Variants in EVL observed in about 807,000 individuals in gnomAD.
The protein encoded by EVL is Enah/Vasp-like.
Under a neutral mutation model 59.6 loss-of-function variants are expected in EVL, and 21 were observed. That is an observed-to-expected ratio of 0.35 (90% CI 0.25 to 0.51). EVL has a LOEUF of 0.51. Ranked by LOEUF, EVL falls within the 20% of genes least tolerant of loss-of-function variation. The pLI is 0.97. For synonymous variants in EVL, 198 were observed against 203.5 expected (o/e 0.97, Z 0.23); for missense variants, 462 against 546.6 (o/e 0.85, Z 1.54).
chr14:100,099,469 G>A (rs180939666), intron 3 of EVL, among the ~76,000 whole-genome samples: 3 of 152,146 alleles, frequency 2.0e-5, no homozygotes, highest in Admixed American at 6.5e-5. Flanking sequence ...CCCATGGGTC[G>A]TGCGTAGAGC....
chr14:100,109,608 G>A lies in EVL; in HGVS notation c.358+11950G>A, dbSNP rs1170585240. The A allele has an allele frequency of 5.9e-6, 3 of 505,668 alleles. No individual in the cohort carries two copies. The highest frequency in any genetic ancestry group is 1.2e-5 in the Non-Finnish European group (3 of 243,418). 31.3% of individuals were successfully genotyped at this position (505,668 alleles called of 1,614,324 possible). A position where few individuals can be genotyped will look rare whatever the true frequency, so the allele number is the denominator to read the frequency against. ...TCCTGCCATTGCATCCTTCTCTGCA[G>A]ACTAAGATGGAGTTCCTGAACCAAG... is the stretch of plus-strand genomic sequence containing the variant. On this transcript the variant is annotated intron_variant, in intron 3 of 13. Coordinates refer to ENST00000392920, the MANE Select transcript of EVL (RefSeq NM_016337.3). The surrounding 1 kb of genome is among the most constrained non-coding windows in gnomAD (Gnocchi z 4.3).
intron 1 of EVL, among the ~76,000 whole-genome samples, chr14:100,041,379 A>T (rs1239359288): frequency 6.6e-6 from 1 of 152,210 alleles, no homozygotes; most frequent in African/African-American, 2.4e-5. Flanking sequence ...AGATAATTAA[A>T]TGATACAATG....
chr14:100,129,464 G>C (rs1222350022), intron 6 of EVL, 99 bp from the exon 7 acceptor site: 12 of 1,549,950 alleles, frequency 7.7e-6, no homozygotes, highest in African/African-American at 2.7e-5. Context: ...GCTGCCATAG[G>C]ATTCACACGC....
At chr14:100,064,685 C>T (rs1190952), upstream of EVL, among the ~76,000 whole-genome samples, 97,096 of 152,154 alleles carry the variant, frequency 0.64, 33,285 homozygotes, top group Non-Finnish European at 0.75. Flanking sequence ...CCAAGGCAGG[C>T]GGATCACCTG....
intron 1 of EVL, among the ~76,000 whole-genome samples, chr14:100,031,218 T>G (rs2061309849): frequency 6.6e-6 from 1 of 152,202 alleles, no homozygotes; most frequent in Non-Finnish European, 1.5e-5. Flanking sequence ...TCAAACCTCT[T>G]AAGTCCAAAT....
chr14:100,070,637 A>C (rs191089981), intron 1 of EVL, among the ~76,000 whole-genome samples: 49 of 152,294 alleles, frequency 3.2e-4, no homozygotes, highest in African/African-American at 1.1e-3. Context: ...CCCTGTGCCT[A>C]GTAAATAGCA....
intron 1 of EVL, among the ~76,000 whole-genome samples, chr14:100,066,239 T>C (rs2061927965): frequency 6.6e-6 from 1 of 152,236 alleles, no homozygotes; most frequent in South Asian, 2.1e-4. Flanking sequence ...AATCCCTCAC[T>C]TTGAAAATTA....
intron 1 of EVL, among the ~76,000 whole-genome samples, chr14:100,037,907 A>C (rs1480004931): frequency 1.3e-5 from 2 of 152,246 alleles, no homozygotes; most frequent in Non-Finnish European, 2.9e-5. Flanking sequence ...TTGAGGGCCG[A>C]GAACTGTATT....
intron 3 of EVL, chr14:100,106,702 G>A (rs1886594020): frequency 1.0e-5 from 4 of 397,434 alleles, no homozygotes; most frequent in Admixed American, 4.4e-5. Context: ...GAGGACCATC[G>A]GGCCTGAGAG....
At chr14:100,060,149 TG>T (rs1455346327) in intron 1 of EVL, among the ~76,000 whole-genome samples, 1 of 152,132 alleles carries the variant, frequency 6.6e-6, no homozygotes. Flanking sequence ...ACTTGCCCAG[TG>T]CCGGGCGCGG....
intron 3 of EVL, among the ~76,000 whole-genome samples, chr14:100,100,151 G>T (rs1886114447): frequency 6.6e-6 from 1 of 152,080 alleles, no homozygotes; most frequent in Non-Finnish European, 1.5e-5. Flanking sequence ...GCATTATGAG[G>T]AAACAACTTC....
At chr14:100,093,528 A>G (rs78136327) in intron 2 of EVL, among the ~76,000 whole-genome samples, 402 of 152,244 alleles carry the variant, frequency 2.6e-3, no homozygotes, top group Non-Finnish European at 5.0e-3. Flanking sequence ...AAACAGCAGC[A>G]GTTGGTGAGC....
Position 100,050,323 on chromosome 14 carries a change from T to A in EVL, c.6-34364T>A, listed in dbSNP as rs184653265. Among the ~76,000 whole-genome samples the A allele has an allele frequency of 4.7e-3, 717 of 150,972 alleles. 2 individuals are homozygous for A. Among genetic ancestry groups the A allele is most frequent in the Non-Finnish European group, 6.3e-3 (425 of 67,900 alleles). On this transcript the variant is annotated intron_variant, in intron 1 of 13. Transcript: ENST00000402714. Reference sequence around the variant, plus strand: ...GGGAGCTAACGTGTCCTTGCTTTTTTAAAAATTTGTGTATTTCATTTATTT... The same window carrying A: ...GGGAGCTAACGTGTCCTTGCTTTTTAAAAAATTTGTGTATTTCATTTATTT...
intron 11 of EVL, chr14:100,138,697 A>G (rs1239174273): frequency 2.0e-5 from 3 of 152,386 alleles, no homozygotes; most frequent in African/African-American, 7.2e-5. Context: ...CCTGCCTGCA[A>G]AGAGCACCGT....
At chr14:100,125,950 A>G (rs1888045705) in intron 4 of EVL, among the ~76,000 whole-genome samples, 1 of 152,234 alleles carries the variant, frequency 6.6e-6, no homozygotes, top group Non-Finnish European at 1.5e-5. Context: ...CCTTCAGAAC[A>G]ATCCTTAGCC....
intron 1 of EVL, among the ~76,000 whole-genome samples, chr14:100,078,284 C>T (rs190481427): frequency 3.0e-4 from 46 of 152,254 alleles, no homozygotes; most frequent in Admixed American, 2.7e-3. Flanking sequence ...GGATTAAAAA[C>T]ACTTGACATA....
At chr14:100,060,975 A>T (rs558703972), upstream of EVL, among the ~76,000 whole-genome samples, 1 of 151,960 alleles carries the variant, frequency 6.6e-6, no homozygotes, top group Non-Finnish European at 1.5e-5. Flanking sequence ...GAAAGACAAA[A>T]AAAAAAAAAA....
chr14:100,121,486 G>C lies in EVL; in HGVS notation c.359-2053G>C, dbSNP rs114460380. On this transcript the variant is annotated intron_variant, in intron 3 of 13. Coordinates refer to ENST00000392920, the MANE Select transcript of EVL (RefSeq NM_016337.3). ...AGGGCCATGGTGGCTCAAAACAATT[G>C]AACATTTTCTTCGTTTAAGAAGAAT... 7.7e-3 allele frequency among the ~76,000 whole-genome samples: 1,178 copies of C among 152,322 alleles called. 7 individuals are homozygous for C. Among genetic ancestry groups the C allele is most frequent in the African/African-American group, 0.027 (1,123 of 41,568 alleles).
At chr14:100,141,302 G>T in intron 12 of EVL, 56 bp downstream of exon 12, 1 of 1,580,996 alleles carries the variant, frequency 6.3e-7, no homozygotes, top group Non-Finnish European at 8.6e-7. Flanking sequence ...GCAGGCGGGG[G>T]ACCGTCTCTG....
Sources: allele counts gnomAD v4.1 joint callset (sites outside exome capture counted in the v4.1 genomes callset), GRCh38; gene constraint gnomAD v4.1.1; non-coding constraint Gnocchi (gnomAD v3.1); transcripts MANE v1.5; gene names NCBI Gene and HGNC (gene_info 2026-07-23, HGNC 2026-07-21).